Variants in CHIC1 observed in about 807,000 individuals in gnomAD.
CHIC1 encodes cysteine rich hydrophobic domain 1, also known as cysteine-rich hydrophobic domain-containing protein 1.
In CHIC1, 7 loss-of-function variants were observed where a neutral mutation model predicts 18.5. The ratio of observed to expected loss-of-function variants is 0.38; its 90% CI spans 0.22 to 0.71. CHIC1 has a LOEUF of 0.71. CHIC1 is among the 30% of genes least tolerant of loss of function. CHIC1 has a pLI of 0.49. For synonymous variants in CHIC1, 77 were observed against 73.5 expected (o/e 1.05, Z -0.25); for missense variants, 159 against 176.9 (o/e 0.90, Z 0.57).
intron 3 of CHIC1, among the ~76,000 whole-genome samples, chrX:73,620,326 T>C (rs995830652): frequency 1.3e-4 from 14 of 111,989 alleles, no homozygotes; most frequent in African/African-American, 4.6e-4. Context: ...CCACCAACAG[T>C]GTAAAAGCGT....
rs187456989 is a variant in CHIC1 at position 73,638,046 on chromosome X, G to A, written c.508-41280G>A. 3.1e-3 allele frequency among the ~76,000 whole-genome samples: 348 copies of A among 111,646 alleles called. 1 individual carries two copies. Among genetic ancestry groups the A allele is most frequent in the Non-Finnish European group, 5.2e-3 (277 of 53,082 alleles). On this transcript the variant is annotated intron_variant, in intron 3 of 5. Transcript: ENST00000373502. ...TTACCAGAGCTTGATCTTAGCGTAG[G>A]AATGAGATGAAAAGCTAAGATCTTC...
chrX:73,625,649 C>G, intron 3 of CHIC1, among the ~76,000 whole-genome samples: 1 of 111,466 alleles, frequency 9.0e-6, no homozygotes, highest in Middle Eastern at 4.6e-3. Flanking sequence ...GCAGATTAAT[C>G]CAAAGAGAGT....
chrX:73,579,884 A>G (rs1178008908), intron 2 of CHIC1, among the ~76,000 whole-genome samples: 1 of 110,785 alleles, frequency 9.0e-6, no homozygotes, highest in African/African-American at 3.3e-5. Context: ...TGGCAAATTC[A>G]TTATTAAAAT....
chrX:73,597,486 G>A (rs1236099930), intron 3 of CHIC1, among the ~76,000 whole-genome samples: 2 of 108,803 alleles, frequency 1.8e-5, no homozygotes, highest in Non-Finnish European at 3.8e-5. Context: ...TGATTTTTAT[G>A]AAGTCCCATT....
intron 3 of CHIC1, among the ~76,000 whole-genome samples, chrX:73,616,890 G>T (rs2057735766): frequency 8.9e-6 from 1 of 111,917 alleles, no homozygotes; most frequent in Non-Finnish European, 1.9e-5. Context: ...TCTCTGACAT[G>T]CCCTGGAGAC....
At chrX:73,642,996 C>T (rs762121825) in intron 3 of CHIC1, among the ~76,000 whole-genome samples, 76 of 111,734 alleles carry the variant, frequency 6.8e-4, no homozygotes, top group African/African-American at 2.2e-3. Context: ...ATTGACTTGG[C>T]GTTGCAGGCC....
intron 3 of CHIC1, among the ~76,000 whole-genome samples, chrX:73,672,949 G>A (rs1162159813): frequency 1.8e-3 from 203 of 111,385 alleles, no homozygotes; most frequent in African/African-American, 6.2e-3. Flanking sequence ...TGTATAAGGT[G>A]TAAGGAAGGC....
At chrX:73,570,980 ATAT>A (rs1265412887) in intron 1 of CHIC1, among the ~76,000 whole-genome samples, 3 of 111,058 alleles carry the variant, frequency 2.7e-5, no homozygotes, top group East Asian at 5.6e-4. Context: ...ACTGAATAAG[ATAT>A]TATTTTCAGC....
chrX:73,582,959 A>G (rs1339542694), intron 2 of CHIC1, among the ~76,000 whole-genome samples: 1 of 110,701 alleles, frequency 9.0e-6, no homozygotes, highest in Non-Finnish European at 1.9e-5. Flanking sequence ...TCTAATTTCA[A>G]TTATAAGGCA....
chrX:73,573,555 G>A (rs188666398), intron 1 of CHIC1, among the ~76,000 whole-genome samples: 111 of 111,130 alleles, frequency 1.0e-3, no homozygotes, highest in African/African-American at 3.4e-3. Flanking sequence ...ATCCGTAAGC[G>A]TGAAATGTCT....
chrX:73,644,748 A>C (rs1048891759), intron 3 of CHIC1, among the ~76,000 whole-genome samples: 7 of 112,082 alleles, frequency 6.2e-5, no homozygotes, highest in African/African-American at 2.3e-4. Context: ...GCGCAGTATT[A>C]GGGTGGGAGT....
chrX:73,570,173 T>C (rs1380779642), intron 1 of CHIC1, among the ~76,000 whole-genome samples: 1 of 111,582 alleles, frequency 9.0e-6, no homozygotes, highest in African/African-American at 3.3e-5. Flanking sequence ...TGTTGAATTG[T>C]ATAGTGCACA....
chrX:73,672,982 A>G (rs201027203), intron 3 of CHIC1, among the ~76,000 whole-genome samples: 1 of 111,464 alleles, frequency 9.0e-6, no homozygotes, highest in African/African-American at 3.3e-5. Context: ...CTTTCTACAT[A>G]TGGCTAGCCA....
intron 3 of CHIC1, among the ~76,000 whole-genome samples, chrX:73,639,057 G>T (rs1463523380): frequency 1.8e-5 from 2 of 111,696 alleles, no homozygotes; most frequent in Non-Finnish European, 3.8e-5. Flanking sequence ...TGGGATTGCT[G>T]GGACAAACAA....
At chrX:73,609,645 C>T (rs1032588799) in intron 3 of CHIC1, among the ~76,000 whole-genome samples, 8 of 109,762 alleles carry the variant, frequency 7.3e-5, no homozygotes, top group African/African-American at 2.8e-4. Context: ...TGGCCTCAGG[C>T]CATCCTCCTA....
chrX:73,675,910 C>G (rs1209644585), intron 3 of CHIC1, among the ~76,000 whole-genome samples: 1 of 110,047 alleles, frequency 9.1e-6, no homozygotes, highest in African/African-American at 3.3e-5. Flanking sequence ...ATCAGGAGCT[C>G]TTTTAGGGCA....
chrX:73,570,215 A>C (rs1296572794), intron 1 of CHIC1, among the ~76,000 whole-genome samples: 1 of 111,664 alleles, frequency 9.0e-6, no homozygotes, highest in Non-Finnish European at 1.9e-5. Context: ...CAGAGAAAGA[A>C]GGAATCCATG....
At chrX:73,680,516 C>T (rs7876259) in intron 5 of CHIC1, among the ~76,000 whole-genome samples, 5,683 of 111,008 alleles carry the variant, frequency 0.051, 364 homozygotes, top group African/African-American at 0.17. Flanking sequence ...AACTTGTGAA[C>T]GATAGTAATC....
intron 5 of CHIC1, 86 bp downstream of exon 5, chrX:73,679,799 C>CT: frequency 2.1e-6 from 1 of 471,511 alleles, no homozygotes; most frequent in Non-Finnish European, 3.2e-6. Flanking sequence ...ACTATTCCTT[C>CT]TTTTTTCTCC....
Sources: allele counts gnomAD v4.1 joint callset (sites outside exome capture counted in the v4.1 genomes callset), GRCh38; gene constraint gnomAD v4.1.1; transcripts MANE v1.5; gene names NCBI Gene and HGNC (gene_info 2026-07-23, HGNC 2026-07-21).